The following GAB2 variants were observed in gnomAD, a reference collection of about 807,000 sequenced individuals.
GAB2 encodes the protein GRB2 associated binding protein 2.
In GAB2, 26 loss-of-function variants were observed where a neutral mutation model predicts 65.5. That is an observed-to-expected ratio of 0.40 (90% CI 0.29 to 0.55). The LOEUF (loss-of-function observed/expected upper bound fraction) is 0.55. Ranked by LOEUF, GAB2 falls within the 20% of genes least tolerant of loss-of-function variation. The pLI is 0.53. For missense variants in GAB2, 884 were observed against 875.8 expected (o/e 1.01, Z -0.12); for synonymous variants, 321 against 329.6 (o/e 0.97, Z 0.28).
At chr11:78,286,355 G>C (rs1866482033) in intron 1 of GAB2, among the ~76,000 whole-genome samples, 1 of 151,986 alleles carries the variant, frequency 6.6e-6, no homozygotes, top group East Asian at 1.9e-4. Flanking sequence ...GACTCCCCCA[G>C]GTAGAGCTGG....
At chr11:78,409,581 A>C (rs1178394382) in intron 1 of GAB2, among the ~76,000 whole-genome samples, 1 of 152,126 alleles carries the variant, frequency 6.6e-6, no homozygotes, top group Non-Finnish European at 1.5e-5. Context: ...GCGGAACTCC[A>C]TCTCCAAAAA....
At chr11:78,393,972 G>C (rs950050885) in intron 1 of GAB2, among the ~76,000 whole-genome samples, 1 of 152,202 alleles carries the variant, frequency 6.6e-6, no homozygotes, top group Non-Finnish European at 1.5e-5. Flanking sequence ...CTGGTGCCAG[G>C]CTAATTAAAG....
Position 78,219,114 on chromosome 11 carries a change from G to C in GAB2, c.*158C>G, listed in dbSNP as rs1451633454. 3 of 672,924 alleles carry C rather than the reference G, an allele frequency of 4.5e-6. No homozygotes were observed. Among genetic ancestry groups the C allele is most frequent in the Non-Finnish European group, 7.4e-6 (3 of 404,558 alleles). 41.7% of individuals were successfully genotyped at this position (672,924 alleles called of 1,614,324 possible). On this transcript the variant is annotated 3_prime_UTR_variant, in exon 10 of 10. Coordinates refer to ENST00000361507, the MANE Select transcript of GAB2 (RefSeq NM_080491.3). ...CCTTGATCAGGCCCTCACCTCCCAG[G>C]GGAAGGGTTCAGGGTCCCTGATGTC...
At chr11:78,306,685 G>A (rs1855366618) in intron 1 of GAB2, among the ~76,000 whole-genome samples, 1 of 152,206 alleles carries the variant, frequency 6.6e-6, no homozygotes, top group East Asian at 1.9e-4. Context: ...AGGTACACAA[G>A]TGTTTGCAAG....
intron 1 of GAB2, among the ~76,000 whole-genome samples, chr11:78,410,007 T>G (rs890459318): frequency 2.6e-5 from 4 of 151,942 alleles, no homozygotes; most frequent in Non-Finnish European, 4.4e-5. Context: ...AACTAAACAA[T>G]GTACTTGTAA....
chr11:78,220,766 G>A (rs1349106190), intron 8 of GAB2, among the ~76,000 whole-genome samples: 5 of 152,188 alleles, frequency 3.3e-5, no homozygotes, highest in African/African-American at 1.2e-4. Context: ...GCTAACCCCT[G>A]TACCACACTG....
intron 1 of GAB2, among the ~76,000 whole-genome samples, chr11:78,322,454 G>A (rs1409533682): frequency 6.6e-6 from 1 of 151,710 alleles, no homozygotes; most frequent in Middle Eastern, 3.4e-3. Flanking sequence ...AAATTGACAA[G>A]TGGGACCTAA....
chr11:78,283,435 A>C (rs1044266828), intron 1 of GAB2, among the ~76,000 whole-genome samples: 1 of 152,218 alleles, frequency 6.6e-6, no homozygotes, highest in Non-Finnish European at 1.5e-5. Flanking sequence ...TCTCAGAAGA[A>C]AAAATTAAAA....
intron 2 of GAB2, among the ~76,000 whole-genome samples, chr11:78,276,541 G>A (rs894169395): frequency 2.0e-5 from 3 of 152,080 alleles, no homozygotes; most frequent in Non-Finnish European, 2.9e-5. Flanking sequence ...TTACTATCTG[G>A]TTGCATGCCT....
Position 78,304,287 on chromosome 11 carries a change from A to G in GAB2, c.76-23386T>C, listed in dbSNP as rs572145961. Among the ~76,000 whole-genome samples, 10 of 152,270 alleles carry G rather than the reference A, an allele frequency of 6.6e-5. No individual in the cohort carries two copies. In the East Asian group the frequency reaches 1.7e-3, roughly 26 times the overall value. ...TTTTGTATATTCACAAGATTATGCAAACATCACCATTATCTAATTCCAGAA... is the reference window on the plus strand; with the variant it reads ...TTTTGTATATTCACAAGATTATGCAGACATCACCATTATCTAATTCCAGAA... On this transcript the variant is annotated intron_variant, in intron 1 of 9. Coordinates refer to ENST00000361507, the MANE Select transcript of GAB2 (RefSeq NM_080491.3).
intron 1 of GAB2, among the ~76,000 whole-genome samples, chr11:78,383,182 G>T (rs1406416674): frequency 6.6e-6 from 1 of 152,172 alleles, no homozygotes; most frequent in African/African-American, 2.4e-5. Flanking sequence ...TGAGGCAGAA[G>T]AATCGCTTGA....
chr11:78,337,312 A>G (rs1856018904), intron 1 of GAB2, among the ~76,000 whole-genome samples: 1 of 152,226 alleles, frequency 6.6e-6, no homozygotes, highest in Non-Finnish European at 1.5e-5. Flanking sequence ...GCAAAAGGCA[A>G]TATGCAAAAG....
intron 1 of GAB2, among the ~76,000 whole-genome samples, chr11:78,416,001 T>C (rs560676220): frequency 1.3e-5 from 2 of 151,996 alleles, no homozygotes; most frequent in African/African-American, 4.8e-5. Context: ...GAAATCTATT[T>C]GTATAGATAA....
At chr11:78,277,525 G>A (rs1866207983) in intron 2 of GAB2, among the ~76,000 whole-genome samples, 1 of 152,206 alleles carries the variant, frequency 6.6e-6, no homozygotes, top group Non-Finnish European at 1.5e-5. Flanking sequence ...ACCATCTCAG[G>A]AGATAGGCAA....
At chr11:78,344,555 T>C (rs1856149801) in intron 1 of GAB2, among the ~76,000 whole-genome samples, 1 of 152,252 alleles carries the variant, frequency 6.6e-6, no homozygotes, top group South Asian at 2.1e-4. Context: ...GGTCAAATTA[T>C]GAAACTCAGC....
chr11:78,335,776 G>A (rs1320770392), intron 1 of GAB2, among the ~76,000 whole-genome samples: 1 of 152,166 alleles, frequency 6.6e-6, no homozygotes, highest in African/African-American at 2.4e-5. Flanking sequence ...TGTGAAGAAT[G>A]TCATTGGTAT....
At chr11:78,362,995 GA>G (rs1856453906) in intron 1 of GAB2, among the ~76,000 whole-genome samples, 1 of 152,108 alleles carries the variant, frequency 6.6e-6, no homozygotes, top group Non-Finnish European at 1.5e-5. Context: ...ACTATAAGTA[GA>G]AAGTGACAAG....
chr11:78,225,214 A>G lies in GAB2; in HGVS notation c.1208-12T>C. Reference sequence around the variant, plus strand: ...CTCACAGGAAGAAGCTGACAGAGGAAGGAGGATTCATAAGTACTCATGGTT... The same window carrying G: ...CTCACAGGAAGAAGCTGACAGAGGAGGGAGGATTCATAAGTACTCATGGTT... On this transcript the variant is annotated splice_polypyrimidine_tract_variant and intron_variant, in intron 4 of 9. Transcript: ENST00000361507. 1.3e-6 allele frequency: 2 copies of G among 1,569,778 alleles called. No individual in the cohort carries two copies. The highest frequency in any genetic ancestry group is 1.1e-5 in the South Asian group (1 of 90,166).
rs563121212 is a variant in GAB2 at position 78,384,162 on chromosome 11, A to G, written c.75+33484T>C. 2.7e-4 allele frequency among the ~76,000 whole-genome samples: 41 copies of G among 152,358 alleles called. No individual in the cohort carries two copies. In the East Asian group the frequency reaches 6.8e-3, roughly 25 times the overall value. ...TGATGCACCTCAAAGGTGGCACCAGATGGGTGTGAATGTCACACACAGGAG... is the reference window on the plus strand; with the variant it reads ...TGATGCACCTCAAAGGTGGCACCAGGTGGGTGTGAATGTCACACACAGGAG... On this transcript the variant is annotated intron_variant, in intron 1 of 9. Transcript: ENST00000361507.
Sources: gnomAD v4.1 joint callset for allele counts (sites outside exome capture counted in the v4.1 genomes callset) on GRCh38, gnomAD v4.1.1 for gene constraint, MANE v1.5 for transcripts, NCBI Gene and HGNC (gene_info 2026-07-23, HGNC 2026-07-21) for gene names.